The following CAMK4 variants were observed in gnomAD, a reference collection of about 807,000 sequenced individuals.
CAMK4 encodes calcium/calmodulin-dependent protein kinase type IV.
In CAMK4, 22 loss-of-function variants were observed where a neutral mutation model predicts 44.9. The observed-to-expected ratio is 0.49, with a 90% CI of 0.35 to 0.70. CAMK4 has a LOEUF of 0.70. Ranked by LOEUF, CAMK4 falls within the 30% of genes least tolerant of loss-of-function variation. The pLI, the probability that CAMK4 is intolerant of heterozygous loss-of-function variation, is 0.01. For synonymous variants in CAMK4, 218 were observed against 215.4 expected (o/e 1.01, Z -0.11); for missense variants, 498 against 586.8 (o/e 0.85, Z 1.56).
At chr5:111,473,902 A>C (rs1755149841) in intron 8 of CAMK4, among the ~76,000 whole-genome samples, 1 of 152,170 alleles carries the variant, frequency 6.6e-6, no homozygotes, top group African/African-American at 2.4e-5. Context: ...CACCCTACAC[A>C]AATTTCTTGG....
chr5:111,484,234 T>TGCAA lies in CAMK4; in HGVS notation c.1193_1196dup (p.Leu400SerfsTer6). 1.2e-6 allele frequency: 2 copies of TGCAA among 1,614,096 alleles called. No individual in the cohort carries two copies. Among genetic ancestry groups the TGCAA allele is most frequent in the Non-Finnish European group, 1.7e-6 (2 of 1,180,004 alleles). ...GGGGCACAGGCTGAGCTGATGAAGG[T>TGCAA]GCAAGCCTTAGAGAAAGTTAAAGGT... On this transcript the variant is annotated frameshift_variant, in exon 11 of 11. Transcript: ENST00000282356. LOFTEE classifies it low-confidence loss of function (END_TRUNC). The surrounding 1 kb of genome is among the most constrained non-coding windows in gnomAD (Gnocchi z 5.3).
chr5:111,354,864 A>G (rs1750268341), intron 2 of CAMK4, among the ~76,000 whole-genome samples: 1 of 152,128 alleles, frequency 6.6e-6, no homozygotes, highest in African/African-American at 2.4e-5. Context: ...CTCAGGATGC[A>G]GAATGGAGAT....
At chr5:111,365,266 TA>T (rs1244832388) in intron 2 of CAMK4, 1 of 152,086 alleles carries the variant, frequency 6.6e-6, no homozygotes, top group Non-Finnish European at 1.5e-5. Context: ...GCTTTAAAGA[TA>T]GGTAGTAGAA....
Position 111,335,801 on chromosome 5 carries a change from T to C in CAMK4, c.162-8223T>C, listed in dbSNP as rs116269272. 7.9e-3 allele frequency among the ~76,000 whole-genome samples: 1,191 copies of C among 151,530 alleles called. 16 individuals are homozygous for C. Among genetic ancestry groups the C allele is most frequent in the African/African-American group, 0.027 (1,138 of 41,470 alleles). On this transcript the variant is annotated intron_variant, in intron 1 of 10. Transcript: ENST00000282356. ...GTGTGGGGATATAATATATATTTTG[T>C]ATATGTATGTACACATATTATAGTT... is the stretch of plus-strand genomic sequence containing the variant.
chr5:111,351,668 T>A (rs1230231068), intron 2 of CAMK4, among the ~76,000 whole-genome samples: 2 of 147,850 alleles, frequency 1.4e-5, no homozygotes, highest in Admixed American at 6.7e-5. Flanking sequence ...TGCCTCGGCC[T>A]CCCAAAGTGC....
intron 1 of CAMK4, among the ~76,000 whole-genome samples, chr5:111,260,995 C>T (rs1749949372): frequency 6.6e-6 from 1 of 152,180 alleles, no homozygotes; most frequent in Non-Finnish European, 1.5e-5. Context: ...CCCTACCTTT[C>T]AAAATATGTA....
intron 1 of CAMK4, among the ~76,000 whole-genome samples, chr5:111,270,981 C>T (rs982824713): frequency 1.4e-4 from 22 of 152,088 alleles, no homozygotes; most frequent in African/African-American, 3.6e-4. Context: ...CTTCACAAGG[C>T]GGCAGGAAGG....
At chr5:111,354,072 A>T (rs1006044793) in intron 2 of CAMK4, among the ~76,000 whole-genome samples, 1 of 152,158 alleles carries the variant, frequency 6.6e-6, no homozygotes, top group Non-Finnish European at 1.5e-5. Context: ...CTGTCAAAAG[A>T]TGAATGAGAA....
chr5:111,444,082 A>G (rs1023493745), intron 5 of CAMK4, among the ~76,000 whole-genome samples: 25 of 151,366 alleles, frequency 1.7e-4, no homozygotes, highest in Middle Eastern at 3.4e-3. Flanking sequence ...CTTCGTTGTT[A>G]TTTTTCTTTT....
intron 5 of CAMK4, among the ~76,000 whole-genome samples, chr5:111,401,528 A>AT (rs1163695863): frequency 8.0e-4 from 19 of 23,740 alleles, no homozygotes; most frequent in Admixed American, 7.3e-3. Context: ...GTATCTGAGC[A>AT]TCAAAAAAAA....
At chr5:111,477,954 T>C (rs1362232471) in intron 8 of CAMK4, among the ~76,000 whole-genome samples, 4 of 152,102 alleles carry the variant, frequency 2.6e-5, no homozygotes, top group African/African-American at 9.7e-5. Context: ...AGCTCTTCCC[T>C]TTCACACTAA....
chr5:111,451,300 T>C (rs1211506552), intron 7 of CAMK4, among the ~76,000 whole-genome samples: 1 of 152,084 alleles, frequency 6.6e-6, no homozygotes, highest in Non-Finnish European at 1.5e-5. Flanking sequence ...ATAGAAGTAT[T>C]TATCAATTAT....
At chr5:111,371,391 G>A (rs1216865016) in intron 2 of CAMK4, among the ~76,000 whole-genome samples, 6 of 152,150 alleles carry the variant, frequency 3.9e-5, no homozygotes, top group Non-Finnish European at 8.8e-5. Flanking sequence ...ACTGAACAAT[G>A]GAAGTTTTAA....
intron 1 of CAMK4, among the ~76,000 whole-genome samples, chr5:111,328,506 T>G (rs1050519442): frequency 6.6e-6 from 1 of 152,126 alleles, no homozygotes; most frequent in African/African-American, 2.4e-5. Context: ...TCTTTTTTGG[T>G]TCCATATGAA....
At chr5:111,322,275 G>T (rs1420419604) in intron 1 of CAMK4, among the ~76,000 whole-genome samples, 4 of 152,072 alleles carry the variant, frequency 2.6e-5, no homozygotes, top group African/African-American at 9.7e-5. Flanking sequence ...AGGTAGGCAT[G>T]TACAACTGGA....
Position 111,469,073 on chromosome 5 carries a change from G to A in CAMK4, c.626-4238G>A, listed in dbSNP as rs537332675. Among the ~76,000 whole-genome samples, 14 of 146,702 alleles carry A rather than the reference G, an allele frequency of 9.5e-5. No individual in the cohort carries two copies. In the East Asian group the frequency reaches 2.9e-3, roughly 30 times the overall value. On this transcript the variant is annotated intron_variant, in intron 7 of 10. Coordinates refer to ENST00000282356, the MANE Select transcript of CAMK4 (RefSeq NM_001744.6). ...GCACGAGAAGCGCTTGAACCCAGGA[G>A]GCGGAGGTTGCAGTGAGCAGAGATC...
In CAMK4 at chr5:111,419,235, T is replaced by C. The variant is rs1252893824; in HGVS notation, c.459+24453T>C. ...TTCATGTGTCTTTTGGCTGCATAAATATCTTCTTTTGAGAAGTGTCTGTTC... is the reference window on the plus strand; with the variant it reads ...TTCATGTGTCTTTTGGCTGCATAAACATCTTCTTTTGAGAAGTGTCTGTTC... On this transcript the variant is annotated intron_variant, in intron 5 of 10. Coordinates refer to ENST00000282356, the MANE Select transcript of CAMK4 (RefSeq NM_001744.6). Among the ~76,000 whole-genome samples, 3 of 152,356 alleles carry C rather than the reference T, an allele frequency of 2.0e-5. No homozygotes were observed. The East Asian group carries it at 5.8e-4, about 29-fold the overall frequency.
intron 1 of CAMK4, among the ~76,000 whole-genome samples, chr5:111,320,712 G>T (rs1255853249): frequency 6.6e-6 from 1 of 151,960 alleles, no homozygotes; most frequent in African/African-American, 2.4e-5. Context: ...CACCATGTTG[G>T]TCAGGCTGGT....
intron 7 of CAMK4, among the ~76,000 whole-genome samples, chr5:111,456,387 A>G (rs1754416873): frequency 6.6e-6 from 1 of 152,012 alleles, no homozygotes; most frequent in African/African-American, 2.4e-5. Context: ...GCTACTCGGG[A>G]GGCTGAGGCA....
Sources: gnomAD v4.1 joint callset for allele counts (sites outside exome capture counted in the v4.1 genomes callset) on GRCh38, gnomAD v4.1.1 for gene constraint, Gnocchi (gnomAD v3.1) non-coding constraint, MANE v1.5 for transcripts, NCBI Gene and HGNC (gene_info 2026-07-23, HGNC 2026-07-21) for gene names.